GRAMD1B: variants seen among roughly 807,000 people sequenced by gnomAD.
GRAMD1B encodes the protein protein Aster-B.
GRAMD1B carries 37 observed loss-of-function variants against 99.7 expected under a neutral mutation model. That is an observed-to-expected ratio of 0.37 (90% CI 0.29 to 0.49). GRAMD1B has a LOEUF of 0.49. Ranked by LOEUF, GRAMD1B falls within the 20% of genes least tolerant of loss-of-function variation. The pLI, the probability that GRAMD1B is intolerant of heterozygous loss-of-function variation, is 0.98. For synonymous variants in GRAMD1B, 427 were observed against 387.6 expected, an observed-to-expected ratio of 1.10 and a Z score of -1.19; for missense variants, 888 against 1,009.2, an observed-to-expected ratio of 0.88 and a Z score of 1.63.
rs527605304 is a variant in GRAMD1B at position 123,450,611 on chromosome 11, G to T, written c.374+19445G>T. Among the ~76,000 whole-genome samples, 30 of 152,338 alleles carry T rather than the reference G, an allele frequency of 2.0e-4. No individual in the cohort carries two copies. The South Asian group carries it at 6.2e-3, about 32-fold the overall frequency. On this transcript the variant is annotated intron_variant, in intron 1 of 19. Coordinates refer to ENST00000635736, the MANE Select transcript of GRAMD1B (RefSeq NM_001387025.1). The stretch of plus-strand genomic sequence containing the variant: ...TTGTTTTCTAAAATTTGGAAATCAA[G>T]AGTTGTAAAAGAAGTGTCTTCCATA...
chr11:123,466,446 GAAAGAGAAAGAAAGAAAGAAAGAAA>G (rs1374387544), intron 1 of GRAMD1B, among the ~76,000 whole-genome samples: 9 of 149,460 alleles, frequency 6.0e-5, no homozygotes, highest in African/African-American at 2.2e-4. Flanking sequence ...AAGAAAGAAA[GAAAGAGAAAGAAAGAAAGAAAGAAA>G]AGAAAGAAAG....
rs1337408563 is a variant in GRAMD1B, at chr11:123,395,467, C to T, written c.-176+36668C>T. 5.3e-5 allele frequency among the ~76,000 whole-genome samples: 8 copies of T among 152,216 alleles called. No individual in the cohort carries two copies. The East Asian group carries it at 1.5e-3, about 29-fold the overall frequency. On this transcript the variant is annotated intron_variant, in intron 1 of 20. Coordinates refer to the GRAMD1B transcript ENST00000638157. ...TGATGCCTGCCCTCATTAACAACAA[C>T]AACAACAACAACAAAAAGTGAACGT...
rs1296721625 is a variant in GRAMD1B, at chr11:123,600,682, CATATAATCTCCCACGA to C, written c.1050+137_1050+152del. ...GTATTGGCCTGAGTCCTGAAAGTAGCATATAATCTCCCACGAATGGCCTCAACACCCCCAGGAGTAA... is the reference window on the plus strand; with the variant it reads ...GTATTGGCCTGAGTCCTGAAAGTAGCATGGCCTCAACACCCCCAGGAGTAA... On this transcript the variant is annotated intron_variant, in intron 8 of 19. Transcript: ENST00000635736. 61 of 581,028 alleles carry C rather than the reference CATATAATCTCCCACGA, an allele frequency of 1.0e-4. No individual in the cohort carries two copies. In the African/African-American group the frequency reaches 1.1e-3, roughly 10 times the overall value. The allele number at this position is 581,028 out of a possible 1,614,324, so 36.0% of individuals were successfully genotyped here.
At position 123,595,951 on chromosome 11, in the gene GRAMD1B, C is replaced by A; in HGVS notation, c.883C>A (p.Arg295Ser). ...TCCTCTTGGATGCCAGCTGACAGTCCGTTTGAAAGACATCTGTTCCATGAC... is the reference window on the plus strand; with the variant it reads ...TCCTCTTGGATGCCAGCTGACAGTCAGTTTGAAAGACATCTGTTCCATGAC... The part of the protein sequence containing the change: ...IFRWETLLTV[R>S]LKDICSMTKE... The change falls in exon 7 of 20, where the codon CGT becomes AGT. Residue 295 changes from arginine to serine, a missense_variant. Physicochemically the swap from Arg to Ser is moderately radical, Grantham distance 110. Transcript: ENST00000635736. 1 of 1,601,172 alleles carries A rather than the reference C, an allele frequency of 6.2e-7. No individual in the cohort carries two copies. The highest frequency in any genetic ancestry group is 8.5e-7 in the Non-Finnish European group (1 of 1,172,146).
chr11:123,523,307 G>A (rs920471350), intron 2 of GRAMD1B, among the ~76,000 whole-genome samples: 5 of 152,130 alleles, frequency 3.3e-5, no homozygotes, highest in Non-Finnish European at 5.9e-5. Context: ...ACTCCAGCCT[G>A]GGCAACAGAG....
At chr11:123,370,843 C>T (rs781327119) in intron 1 of GRAMD1B, among the ~76,000 whole-genome samples, 4 of 152,052 alleles carry the variant, frequency 2.6e-5, no homozygotes, top group African/African-American at 4.8e-5. Context: ...GTGGCATGAT[C>T]GTCTCAATCT....
chr11:123,548,325 T>TATATATATATACAC (rs1555067740), intron 2 of GRAMD1B, among the ~76,000 whole-genome samples: 22 of 86,882 alleles, frequency 2.5e-4, no homozygotes, highest in African/African-American at 1.1e-3. Context: ...TATATATATA[T>TATATATATATACAC]ACACACACAC....
At chr11:123,476,307 G>T (rs927396888) in intron 1 of GRAMD1B, among the ~76,000 whole-genome samples, 3 of 152,092 alleles carry the variant, frequency 2.0e-5, no homozygotes, top group African/African-American at 7.2e-5. Context: ...CACCATGTTG[G>T]CCAGGCTGGT....
At chr11:123,599,318 G>C (rs1951664985) in intron 7 of GRAMD1B, 2 of 708,382 alleles carry the variant, frequency 2.8e-6, no homozygotes, top group Non-Finnish European at 5.4e-6. Flanking sequence ...TATCTTGCGT[G>C]GCCCGAGTGC....
intron 1 of GRAMD1B, among the ~76,000 whole-genome samples, chr11:123,368,401 G>T (rs144438360): frequency 9.0e-4 from 137 of 151,822 alleles, no homozygotes; most frequent in African/African-American, 3.3e-3. Flanking sequence ...ATAAGTTAAG[G>T]CTGGAACAGT....
intron 1 of GRAMD1B, among the ~76,000 whole-genome samples, chr11:123,447,040 A>G (rs1333494121): frequency 4.6e-5 from 7 of 152,178 alleles, no homozygotes; most frequent in African/African-American, 9.7e-5. Flanking sequence ...GGAGCTCCCA[A>G]TTGAGTGTGT....
chr11:123,523,638 T>C (rs968779643), intron 2 of GRAMD1B, among the ~76,000 whole-genome samples: 1 of 152,226 alleles, frequency 6.6e-6, no homozygotes, highest in Non-Finnish European at 1.5e-5. Flanking sequence ...AGGTTTTCTG[T>C]GTTACTTGTG....
intron 2 of GRAMD1B, among the ~76,000 whole-genome samples, chr11:123,540,065 T>G (rs896763818): frequency 6.6e-6 from 1 of 151,974 alleles, no homozygotes; most frequent in African/African-American, 2.4e-5. Context: ...ATCTCAATTT[T>G]TCTATCTTCC....
Position 123,448,277 on chromosome 11 carries a change from C to A in GRAMD1B, c.374+17111C>A, listed in dbSNP as rs564057189. On this transcript the variant is annotated intron_variant, in intron 1 of 19. Transcript: ENST00000635736. ...ATTTTTTTATTATTTTTTTTTGAGG[C>A]AGTCTTGCTCTGTTGCCCAGGCTGG... is the stretch of plus-strand genomic sequence containing the variant. Among the ~76,000 whole-genome samples the A allele has an allele frequency of 3.3e-5, 5 of 151,748 alleles. No homozygotes were observed. In the South Asian group the frequency reaches 1.0e-3, roughly 32 times the overall value.
intron 1 of GRAMD1B, among the ~76,000 whole-genome samples, chr11:123,398,691 C>A (rs188405966): frequency 7.8e-4 from 119 of 152,164 alleles, no homozygotes; most frequent in African/African-American, 2.8e-3. Context: ...CACTAAGTTT[C>A]TTTTCATGTA....
At chr11:123,377,461 T>C (rs1946726331) in intron 1 of GRAMD1B, among the ~76,000 whole-genome samples, 1 of 152,130 alleles carries the variant, frequency 6.6e-6, no homozygotes, top group South Asian at 2.1e-4. Flanking sequence ...AGTTGAGCAG[T>C]CGCCAGAGTA....
intron 2 of GRAMD1B, chr11:123,560,170 G>A: frequency 1.0e-6 from 1 of 1,001,088 alleles, no homozygotes; most frequent in Middle Eastern, 5.0e-4. Flanking sequence ...AAACCGGCAG[G>A]CGACGTGTGT....
intron 1 of GRAMD1B, among the ~76,000 whole-genome samples, chr11:123,390,493 CAAAAT>C (rs1229203184): frequency 6.6e-6 from 1 of 152,142 alleles, no homozygotes; most frequent in Non-Finnish European, 1.5e-5. Flanking sequence ...AAAAACAAAA[CAAAAT>C]AAAAGAGTTT....
intron 12 of GRAMD1B, among the ~76,000 whole-genome samples, chr11:123,609,045 A>G (rs1453632781): frequency 6.6e-6 from 1 of 151,584 alleles, no homozygotes; most frequent in Non-Finnish European, 1.5e-5. Context: ...CAGGCACTCG[A>G]TGCCGGCCCC....
Sources: allele counts gnomAD v4.1 joint callset (sites outside exome capture counted in the v4.1 genomes callset), GRCh38; gene constraint gnomAD v4.1.1; transcripts MANE v1.5; gene names NCBI Gene and HGNC (gene_info 2026-07-23, HGNC 2026-07-21).